LYPD6B: variants seen among roughly 807,000 people sequenced by gnomAD.
LYPD6B encodes LY6/PLAUR domain containing 6B.
Under a neutral mutation model 22.8 loss-of-function variants are expected in LYPD6B, and 17 were observed. That is an observed-to-expected ratio of 0.75 (90% confidence interval 0.51 to 1.12). The LOEUF (loss-of-function observed/expected upper bound fraction) is 1.12, where lower values mean the gene tolerates loss of function less well. LYPD6B is among the 50% of genes most tolerant of loss of function. LYPD6B has a pLI of 0.00. For synonymous variants in LYPD6B, 106 were observed against 91.6 expected (o/e 1.16, Z -0.90); for missense variants, 221 against 258.3 (o/e 0.86, Z 0.99).
intron 2 of LYPD6B, among the ~76,000 whole-genome samples, chr2:149,134,421 GAA>G (rs768004134): frequency 1.3e-5 from 2 of 152,196 alleles, no homozygotes; most frequent in Admixed American, 6.5e-5. Flanking sequence ...GAAAGCCACA[GAA>G]AAGACTCCAG....
At chr2:149,081,598 A>C (rs1685137723) in intron 1 of LYPD6B, among the ~76,000 whole-genome samples, 1 of 152,122 alleles carries the variant, frequency 6.6e-6, no homozygotes, top group Non-Finnish European at 1.5e-5. Context: ...CTTTCTGTGT[A>C]TAGATAGAGG....
chr2:149,124,094 T>A (rs533246232), intron 1 of LYPD6B, among the ~76,000 whole-genome samples: 1 of 152,226 alleles, frequency 6.6e-6, no homozygotes, highest in African/African-American at 2.4e-5. Context: ...CCAAACAGCA[T>A]ACTGAACTCT....
chr2:149,175,184 C>A (rs1691207635), intron 3 of LYPD6B, among the ~76,000 whole-genome samples: 3 of 151,742 alleles, frequency 2.0e-5, no homozygotes. Context: ...TCACACAAAC[C>A]TAGATGGTAC....
At chr2:149,160,865 C>T (rs371973396) in intron 3 of LYPD6B, 30 bp downstream of exon 3, 11 of 1,496,824 alleles carry the variant, frequency 7.3e-6, no homozygotes, top group Middle Eastern at 1.7e-4. Flanking sequence ...CAACAGCCCT[C>T]GGCTTTTCAT....
At chr2:149,063,986 G>A (rs1684212041) in intron 1 of LYPD6B, among the ~76,000 whole-genome samples, 1 of 152,178 alleles carries the variant, frequency 6.6e-6, no homozygotes. Flanking sequence ...AAATGCAGAA[G>A]AAAAGGGCAA....
intron 3 of LYPD6B, among the ~76,000 whole-genome samples, chr2:149,163,793 G>A (rs1690246484): frequency 6.6e-6 from 1 of 152,122 alleles, no homozygotes; most frequent in African/African-American, 2.4e-5. Flanking sequence ...TTTTGGGAAG[G>A]GAAGACTTTT....
chr2:149,211,637 C>T (rs1182655610), intron 5 of LYPD6B, among the ~76,000 whole-genome samples: 2 of 150,230 alleles, frequency 1.3e-5, no homozygotes, highest in Non-Finnish European at 3.0e-5. Flanking sequence ...TTTACTAAAA[C>T]CAAAAAAAAA....
intron 5 of LYPD6B, 124 bp from the exon 6 acceptor site, chr2:149,212,868 A>G: frequency 4.3e-6 from 4 of 924,236 alleles, no homozygotes; most frequent in East Asian, 5.6e-5. Flanking sequence ...TGTCTTGCCT[A>G]AAAACCCCAG....
chr2:149,093,694 C>G (rs1685774057), intron 1 of LYPD6B, among the ~76,000 whole-genome samples: 1 of 152,170 alleles, frequency 6.6e-6, no homozygotes, highest in African/African-American at 2.4e-5. Context: ...TCGTTAGAAA[C>G]AATTTGTGGT....
chr2:149,118,753 C>T (rs987131433), intron 1 of LYPD6B, among the ~76,000 whole-genome samples: 14 of 152,258 alleles, frequency 9.2e-5, no homozygotes, highest in South Asian at 2.1e-4. Flanking sequence ...AACTGATTCT[C>T]GGAGTAATTT....
At chr2:149,040,187 A>ATAG (rs983544906) in intron 1 of LYPD6B, among the ~76,000 whole-genome samples, 2 of 150,114 alleles carry the variant, frequency 1.3e-5, no homozygotes, top group African/African-American at 4.9e-5. Context: ...CTCTATCCGT[A>ATAG]TAGCAGTCTC....
At chr2:149,209,214 C>T (rs568440855) in intron 5 of LYPD6B, among the ~76,000 whole-genome samples, 5 of 152,180 alleles carry the variant, frequency 3.3e-5, no homozygotes, top group African/African-American at 1.2e-4. Context: ...CTAGGGAATA[C>T]ATAGCAGTTG....
rs73963742 is a variant in LYPD6B at position 149,191,661 on chromosome 2, T to C, written c.78-13592T>C. ...ATTACCTACTCCAACTCATACTATA[T>C]AAAAATTGAAAAAATTATAATTTAC... On this transcript the variant is annotated intron_variant, in intron 3 of 6. Coordinates refer to ENST00000409642, the MANE Select transcript of LYPD6B (RefSeq NM_177964.5). Among the ~76,000 whole-genome samples the C allele has an allele frequency of 1.5e-3, 232 of 152,340 alleles. 1 individual carries two copies. Among genetic ancestry groups the C allele is most frequent in the African/African-American group, 5.5e-3 (227 of 41,580 alleles).
intron 1 of LYPD6B, among the ~76,000 whole-genome samples, chr2:149,057,895 G>A (rs957676257): frequency 8.5e-5 from 13 of 152,170 alleles, no homozygotes; most frequent in Non-Finnish European, 1.6e-4. Flanking sequence ...GAATGCATCC[G>A]TAAGACGTAT....
rs559781264 is a variant in LYPD6B at position 149,038,713 on chromosome 2, G to A, written c.-155G>A. On this transcript the variant is annotated 5_prime_UTR_variant, in exon 1 of 7. Coordinates refer to ENST00000409642, the MANE Select transcript of LYPD6B (RefSeq NM_177964.5). ...CCGCGCCCCGCCCCGCGCGGTAGCA[G>A]CCAACGCCGGCCCCAGGCGGGTGCG... is the stretch of plus-strand genomic sequence containing the variant. 1.4e-4 allele frequency: 22 copies of A among 151,758 alleles called. No homozygotes were observed. Among genetic ancestry groups the A allele is most frequent in the African/African-American group, 5.3e-4 (22 of 41,504 alleles). 9.4% of individuals were successfully genotyped at this position (151,758 alleles called of 1,614,324 possible).
chr2:149,135,177 G>A (rs771890801), intron 2 of LYPD6B, among the ~76,000 whole-genome samples: 6 of 151,456 alleles, frequency 4.0e-5, no homozygotes, highest in Non-Finnish European at 8.8e-5. Flanking sequence ...CCCGGGAGAC[G>A]GAGGTTGTAG....
chr2:149,108,400 T>A (rs1574980265), intron 1 of LYPD6B, among the ~76,000 whole-genome samples: 1 of 152,224 alleles, frequency 6.6e-6, no homozygotes, highest in East Asian at 1.9e-4. Context: ...TGTTTTTAGG[T>A]TCATAAATGT....
chr2:149,116,900 T>G (rs1028466536), intron 1 of LYPD6B, among the ~76,000 whole-genome samples: 1 of 152,180 alleles, frequency 6.6e-6, no homozygotes, highest in African/African-American at 2.4e-5. Context: ...GATCCTTGGC[T>G]TCCTGGACAT....
intron 5 of LYPD6B, 111 bp from the exon 6 acceptor site, chr2:149,212,881 C>A: frequency 9.2e-7 from 1 of 1,083,462 alleles, no homozygotes; most frequent in Non-Finnish European, 1.3e-6. Context: ...AACCCCAGGA[C>A]TGGCCTGAAT....
Sources: gnomAD v4.1 joint callset for allele counts (sites outside exome capture counted in the v4.1 genomes callset) on GRCh38, gnomAD v4.1.1 for gene constraint, MANE v1.5 for transcripts, NCBI Gene and HGNC (gene_info 2026-07-23, HGNC 2026-07-21) for gene names.